SLIT3: variants seen among roughly 807,000 people sequenced by gnomAD.
SLIT3 encodes slit guidance ligand 3, also known as slit homolog 3 protein.
SLIT3 carries 68 observed loss-of-function variants against 184.0 expected under a neutral mutation model. That is an observed-to-expected ratio of 0.37 (90% CI 0.30 to 0.45). SLIT3 has a LOEUF of 0.45. SLIT3 is among the 20% of genes least tolerant of loss of function. The pLI is 1.00. For synonymous variants in SLIT3, 831 were observed against 828.6 expected (o/e 1.00, Z -0.05); for missense variants, 1,707 against 2,026.0 (o/e 0.84, Z 3.02).
chr5:169,277,943 A>G (rs1766867542), intron 1 of SLIT3, among the ~76,000 whole-genome samples: 1 of 152,344 alleles, frequency 6.6e-6, no homozygotes, highest in Non-Finnish European at 1.5e-5. Flanking sequence ...CTTTGACTAT[A>G]GCCTTCACAG....
chr5:168,861,746 G>A (rs1460910556), intron 5 of SLIT3, among the ~76,000 whole-genome samples: 1 of 152,214 alleles, frequency 6.6e-6, no homozygotes, highest in Non-Finnish European at 1.5e-5. Flanking sequence ...CTGGAAAGGT[G>A]TAAATGCTGT....
intron 4 of SLIT3, among the ~76,000 whole-genome samples, chr5:168,982,553 A>G (rs956047535): frequency 6.6e-6 from 1 of 152,190 alleles, no homozygotes; most frequent in African/African-American, 2.4e-5. Flanking sequence ...CAATATCTTT[A>G]TTTCATTTTT....
intron 4 of SLIT3, among the ~76,000 whole-genome samples, chr5:169,153,182 G>A (rs761765173): frequency 2.0e-5 from 3 of 152,050 alleles, no homozygotes; most frequent in African/African-American, 4.8e-5. Context: ...AAGCTATGTC[G>A]CCCACCCCTC....
At chr5:168,695,447 T>C (rs2113263955) in intron 28 of SLIT3, among the ~76,000 whole-genome samples, 1 of 152,320 alleles carries the variant, frequency 6.6e-6, no homozygotes, top group South Asian at 2.1e-4. Flanking sequence ...TGTATCATGG[T>C]ACACCAAGAA....
intron 4 of SLIT3, among the ~76,000 whole-genome samples, chr5:169,049,020 C>T (rs184210182): frequency 6.6e-6 from 1 of 152,258 alleles, no homozygotes; most frequent in Non-Finnish European, 1.5e-5. Flanking sequence ...TCCTGGTTGA[C>T]TGAATGGAGA....
chr5:168,934,961 C>T (rs537166233), intron 4 of SLIT3, among the ~76,000 whole-genome samples: 2 of 130,992 alleles, frequency 1.5e-5, no homozygotes, highest in African/African-American at 3.0e-5. Flanking sequence ...AACCCCATCT[C>T]TACTAAAAAA....
At chr5:168,752,076 TCTTA>T (rs1259312077) in intron 18 of SLIT3, among the ~76,000 whole-genome samples, 5 of 152,134 alleles carry the variant, frequency 3.3e-5, no homozygotes, top group African/African-American at 4.8e-5. Flanking sequence ...TCTGGTGATG[TCTTA>T]CTTAAGGTCT....
intron 4 of SLIT3, among the ~76,000 whole-genome samples, chr5:168,980,349 A>AG (rs902392376): frequency 6.6e-6 from 1 of 152,138 alleles, no homozygotes; most frequent in Non-Finnish European, 1.5e-5. Context: ...AAAATGACCA[A>AG]GGGGAAGGCT....
intron 4 of SLIT3, among the ~76,000 whole-genome samples, chr5:169,170,675 G>A (rs1253778846): frequency 2.0e-5 from 3 of 152,110 alleles, no homozygotes; most frequent in Admixed American, 2.0e-4. Context: ...TTGGGGACAG[G>A]AACAAACAAT....
chr5:168,790,552 G>A (rs965413379), intron 10 of SLIT3: 3 of 152,160 alleles, frequency 2.0e-5, no homozygotes, highest in Non-Finnish European at 4.4e-5. Context: ...AGAGTCATTA[G>A]CTCAGGGATG....
chr5:169,180,371 A>G (rs79770790), intron 4 of SLIT3, among the ~76,000 whole-genome samples: 4,699 of 152,326 alleles, frequency 0.031, 101 homozygotes, highest in South Asian at 0.1. Flanking sequence ...ATGTCTTCTC[A>G]GGACTATGTA....
At chr5:168,705,367 T>C (rs1053161271) in intron 26 of SLIT3, among the ~76,000 whole-genome samples, 2 of 152,214 alleles carry the variant, frequency 1.3e-5, no homozygotes, top group East Asian at 3.9e-4. Flanking sequence ...ATGTACCTTA[T>C]TTAGTCTACT....
chr5:168,912,526 T>C (rs1761284028), intron 4 of SLIT3, among the ~76,000 whole-genome samples: 1 of 152,166 alleles, frequency 6.6e-6, no homozygotes, highest in African/African-American at 2.4e-5. Context: ...CAGAAAGCAG[T>C]AGAGTCAAGA....
At chr5:169,096,884 C>G (rs1170768466) in intron 4 of SLIT3, among the ~76,000 whole-genome samples, 1 of 152,176 alleles carries the variant, frequency 6.6e-6, no homozygotes, top group Non-Finnish European at 1.5e-5. Flanking sequence ...AGCGTGACTC[C>G]AAGCCTGCAT....
chr5:168,673,272 GT>G lies in SLIT3; in HGVS notation c.3745del (p.Thr1249ProfsTer2). 1 of 1,614,076 alleles carries G rather than the reference GT, an allele frequency of 6.2e-7. No homozygotes were observed. ...HSVELVTLNQ[T>X]LNLVVDKGTP... is the part of the protein sequence containing the mutation. ...TCCTTTGTCCACTACTAGGTTCAGG[GT>G]CTGGTTTAGCGTCACCAGCTCCACA... On this transcript the variant is annotated frameshift_variant, in exon 33 of 36. Coordinates refer to ENST00000519560, the MANE Select transcript of SLIT3 (RefSeq NM_003062.4). LOFTEE classifies it high-confidence loss of function.
intron 4 of SLIT3, among the ~76,000 whole-genome samples, chr5:169,156,101 C>T (rs964771100): frequency 2.6e-5 from 4 of 152,212 alleles, no homozygotes; most frequent in Non-Finnish European, 5.9e-5. Flanking sequence ...TTATTAACTT[C>T]TCACCCCATA....
At chr5:169,012,990 G>A (rs1228353851) in intron 4 of SLIT3, 5 of 152,216 alleles carry the variant, frequency 3.3e-5, no homozygotes, top group Admixed American at 2.6e-4. Flanking sequence ...AATAATGCAG[G>A]TTAGCTGCTT....
At chr5:169,053,694 C>T (rs780860544) in intron 4 of SLIT3, among the ~76,000 whole-genome samples, 3 of 152,110 alleles carry the variant, frequency 2.0e-5, no homozygotes, top group Non-Finnish European at 4.4e-5. Flanking sequence ...TGGAATTCCC[C>T]GCCCCCTTCT....
chr5:168,965,422 C>T (rs1206469477), intron 4 of SLIT3, among the ~76,000 whole-genome samples: 1 of 152,150 alleles, frequency 6.6e-6, no homozygotes, highest in Non-Finnish European at 1.5e-5. Flanking sequence ...GACCTTTGCT[C>T]TTGTTACTCT....
Sources: allele counts gnomAD v4.1 joint callset (sites outside exome capture counted in the v4.1 genomes callset), GRCh38; gene constraint gnomAD v4.1.1; transcripts MANE v1.5; gene names NCBI Gene and HGNC (gene_info 2026-07-23, HGNC 2026-07-21).